The following PCDH15 variants were observed in gnomAD, a reference collection of about 807,000 sequenced individuals.
PCDH15 encodes protocadherin related 15, also known as protocadherin-15.
Under a neutral mutation model 178.5 loss-of-function variants are expected in PCDH15, and 129 were observed. The observed-to-expected ratio is 0.72, with a 90% confidence interval of 0.63 to 0.84. The LOEUF is 0.84. Ranked by LOEUF, PCDH15 falls within the 40% of genes least tolerant of loss-of-function variation. The pLI is 0.00. For missense variants in PCDH15, 2,230 were observed against 2,099.9 expected (o/e 1.06, Z -1.21); for synonymous variants, 800 against 732.0 (o/e 1.09, Z -1.50).
At chr10:54,179,111 A>G (rs560298417) in intron 13 of PCDH15, among the ~76,000 whole-genome samples, 20 of 152,302 alleles carry the variant, frequency 1.3e-4, no homozygotes, top group Middle Eastern at 3.4e-3. Context: ...ATAAAGACAC[A>G]TACACACGTA....
intron 3 of PCDH15, among the ~76,000 whole-genome samples, chr10:54,383,862 A>G (rs1479969192): frequency 2.6e-5 from 4 of 152,028 alleles, no homozygotes; most frequent in Admixed American, 2.6e-4. Flanking sequence ...TCTGTTGCCC[A>G]GGCTGGAGTG....
chr10:53,858,808 A>T (rs2078921944), intron 27 of PCDH15, among the ~76,000 whole-genome samples: 1 of 152,162 alleles, frequency 6.6e-6, no homozygotes, highest in African/African-American at 2.4e-5. Context: ...CTAGCGAACT[A>T]GCGAAAGGGA....
intron 23 of PCDH15, among the ~76,000 whole-genome samples, chr10:53,943,539 C>T (rs1354031843): frequency 6.6e-6 from 1 of 152,008 alleles, no homozygotes; most frequent in Non-Finnish European, 1.5e-5. Context: ...GCTATGTCTT[C>T]TTTCAAATAT....
At chr10:55,169,082 G>T in intron 1 of PCDH15, among the ~76,000 whole-genome samples, 1 of 152,132 alleles carries the variant, frequency 6.6e-6, no homozygotes. Flanking sequence ...CAACAGTACC[G>T]TTCTGGAGTT....
chr10:54,309,218 G>GAT (rs1478308697), intron 8 of PCDH15, among the ~76,000 whole-genome samples: 3 of 151,672 alleles, frequency 2.0e-5, no homozygotes, highest in Non-Finnish European at 4.4e-5. Context: ...TGGCAAATGG[G>GAT]ATATATGATT....
At chr10:53,825,246 TAAAC>T (rs554676156) in intron 32 of PCDH15, 3 of 1,337,602 alleles carry the variant, frequency 2.2e-6, no homozygotes, top group South Asian at 1.7e-5. Flanking sequence ...GAACTTGCTT[TAAAC>T]AAACACTTAG....
chr10:54,103,898 A>C (rs1423282149), intron 15 of PCDH15, among the ~76,000 whole-genome samples: 1 of 152,136 alleles, frequency 6.6e-6, no homozygotes, highest in East Asian at 1.9e-4. Flanking sequence ...CCTGTTCTCC[A>C]GATTTCTGCT....
intron 1 of PCDH15, among the ~76,000 whole-genome samples, chr10:55,284,243 G>A (rs1038910288): frequency 8.8e-5 from 13 of 148,442 alleles, no homozygotes; most frequent in East Asian, 1.9e-4. Context: ...CTAAGCCTTC[G>A]TTAGGACAGT....
At position 53,938,964 on chromosome 10, in the gene PCDH15, T is replaced by G. The variant is rs1223408356; in HGVS notation, c.3233-9A>C. On this transcript the variant is annotated splice_polypyrimidine_tract_variant and intron_variant, in intron 24 of 37. Coordinates refer to ENST00000644397, the MANE Select transcript of PCDH15 (RefSeq NM_001384140.1). Reference sequence around the variant, plus strand: ...ATTAATTCCAAATGTATCTAGAAATTAAAATACAATTACCTGGTCATTGTC... The same window carrying G: ...ATTAATTCCAAATGTATCTAGAAATGAAAATACAATTACCTGGTCATTGTC... The G allele has an allele frequency of 6.2e-7, 1 of 1,610,392 alleles. No homozygotes were observed. The highest frequency in any genetic ancestry group is 8.5e-7 in the Non-Finnish European group (1 of 1,177,324).
chr10:54,115,177 T>C (rs1258731230), intron 15 of PCDH15, among the ~76,000 whole-genome samples: 4 of 152,104 alleles, frequency 2.6e-5, no homozygotes, highest in Non-Finnish European at 5.9e-5. Flanking sequence ...ACCAAATTTA[T>C]TGATTCATTG....
intron 8 of PCDH15, among the ~76,000 whole-genome samples, chr10:54,255,565 G>A (rs1330896593): frequency 1.3e-5 from 2 of 151,998 alleles, no homozygotes; most frequent in Admixed American, 1.3e-4. Flanking sequence ...CTAGTAGCAA[G>A]GTACCAATGA....
intron 2 of PCDH15, among the ~76,000 whole-genome samples, chr10:55,588,762 T>C (rs948997457): frequency 3.3e-5 from 5 of 152,082 alleles, no homozygotes; most frequent in African/African-American, 1.2e-4. Flanking sequence ...AATTTTGCTC[T>C]AGCAACACTA....
At chr10:54,152,684 C>CTGTGTG (rs553644491) in intron 14 of PCDH15, among the ~76,000 whole-genome samples, 8 of 149,192 alleles carry the variant, frequency 5.4e-5, no homozygotes, top group Admixed American at 1.3e-4. Context: ...TTTTAGCTTG[C>CTGTGTG]TGTGTGTGTG....
chr10:53,894,893 A>G (rs562895867), intron 26 of PCDH15, among the ~76,000 whole-genome samples: 1 of 152,194 alleles, frequency 6.6e-6, no homozygotes, highest in South Asian at 2.1e-4. Context: ...CCAGGTGATT[A>G]GAATGTCAGT....
chr10:54,941,962 C>A (rs548278118), intron 2 of PCDH15, among the ~76,000 whole-genome samples: 10 of 152,160 alleles, frequency 6.6e-5, no homozygotes, highest in Admixed American at 6.5e-4. Flanking sequence ...CTATCTGACA[C>A]TCCAAGTATC....
intron 2 of PCDH15, among the ~76,000 whole-genome samples, chr10:54,974,084 G>GACACAC (rs1191320583): frequency 7.7e-6 from 1 of 129,224 alleles, no homozygotes; most frequent in Non-Finnish European, 1.7e-5. Context: ...CACACACACA[G>GACACAC]ACACACACAC....
chr10:54,229,558 G>A (rs2053837148), intron 9 of PCDH15, among the ~76,000 whole-genome samples: 1 of 152,146 alleles, frequency 6.6e-6, no homozygotes, highest in Admixed American at 6.5e-5. Context: ...GGAGGTAATT[G>A]AATCATGAAG....
At chr10:55,205,152 T>A (rs1337150568) in intron 1 of PCDH15, among the ~76,000 whole-genome samples, 3 of 151,946 alleles carry the variant, frequency 2.0e-5, no homozygotes, top group Admixed American at 1.3e-4. Flanking sequence ...GTGATAAAAA[T>A]AAAAGAAATA....
intron 2 of PCDH15, among the ~76,000 whole-genome samples, chr10:55,024,189 G>GAA (rs1840417380): frequency 6.9e-6 from 1 of 144,260 alleles, no homozygotes; most frequent in Non-Finnish European, 1.5e-5. Flanking sequence ...AGAGAGGAAG[G>GAA]AATATATATA....
Sources: allele counts gnomAD v4.1 joint callset (sites outside exome capture counted in the v4.1 genomes callset), GRCh38; gene constraint gnomAD v4.1.1; transcripts MANE v1.5; gene names NCBI Gene and HGNC (gene_info 2026-07-23, HGNC 2026-07-21).